The following FAM135B variants were observed in gnomAD, a reference collection of about 807,000 sequenced individuals.
FAM135B encodes the protein protein FAM135B.
A neutral mutation model predicts 127.7 loss-of-function variants in FAM135B; 43 were observed. That is an observed-to-expected ratio of 0.34 (90% confidence interval 0.26 to 0.43). FAM135B has a LOEUF of 0.43. FAM135B is among the 20% of genes least tolerant of loss of function. FAM135B has a pLI of 1.00. For missense variants in FAM135B, 1,558 were observed against 1,725.6 expected (o/e 0.90, Z 1.72); for synonymous variants, 670 against 665.1 (o/e 1.01, Z -0.11).
Position 138,141,070 on chromosome 8 carries a change from C to T in FAM135B, c.3790+128G>A, listed in dbSNP as rs573054859. 48 of 855,190 alleles carry T rather than the reference C, an allele frequency of 5.6e-5. No homozygotes were observed. The African/African-American group carries it at 7.3e-4, about 13-fold the overall frequency. The allele number at this position is 855,190 out of a possible 1,614,324, so 53.0% of individuals were successfully genotyped here. A position where few individuals can be genotyped will look rare whatever the true frequency, so the allele number is the denominator to read the frequency against. On this transcript the variant is annotated intron_variant, in intron 17 of 19. Coordinates refer to ENST00000395297, the MANE Select transcript of FAM135B (RefSeq NM_015912.4). This position sits in a 1 kb window ranked among gnomAD's most constrained non-coding sequence, Gnocchi z 4.7. Reference sequence around the variant, plus strand: ...CCACACCTCTAAGGCCAGGACTCCTCCCTCCATGCCATGCTTGGAAAAGAC... The same window carrying T: ...CCACACCTCTAAGGCCAGGACTCCTTCCTCCATGCCATGCTTGGAAAAGAC...
At chr8:138,366,896 C>T (rs986826954) in intron 2 of FAM135B, among the ~76,000 whole-genome samples, 3 of 152,092 alleles carry the variant, frequency 2.0e-5, no homozygotes, top group Non-Finnish European at 4.4e-5. Context: ...GACTGAACAA[C>T]AGGAGATTTT....
chr8:138,494,303 A>G (rs1815304820), intron 1 of FAM135B, among the ~76,000 whole-genome samples: 1 of 152,198 alleles, frequency 6.6e-6, no homozygotes, highest in South Asian at 2.1e-4. Context: ...CACTCATTCA[A>G]CAACCATTCA....
At chr8:138,406,389 A>C (rs1182491057) in intron 1 of FAM135B, among the ~76,000 whole-genome samples, 2 of 151,990 alleles carry the variant, frequency 1.3e-5, no homozygotes, top group Admixed American at 6.6e-5. Flanking sequence ...AAAAGAGGGA[A>C]TCCTCCCTAA....
chr8:138,282,535 C>A (rs1414000346), intron 3 of FAM135B, among the ~76,000 whole-genome samples: 1 of 152,118 alleles, frequency 6.6e-6, no homozygotes, highest in African/African-American at 2.4e-5. Context: ...TAACAGACAC[C>A]TCGCCAAGAA....
At chr8:138,153,710 G>A (rs9771768) in intron 12 of FAM135B, among the ~76,000 whole-genome samples, 81,570 of 152,040 alleles carry the variant, frequency 0.54, 22,479 homozygotes, top group East Asian at 0.77. Flanking sequence ...GTCTGAGATC[G>A]AACTGCAAGG....
In FAM135B at chr8:138,442,237, C is replaced by CATATATATATATAT. The variant is rs759993575; in HGVS notation, c.-20+54420_-20+54433dup. Among the ~76,000 whole-genome samples the CATATATATATATAT allele has an allele frequency of 1.8e-3, 93 of 51,884 alleles. 5 individuals carry two copies. Among genetic ancestry groups the CATATATATATATAT allele is most frequent in the East Asian group, 4.8e-3 (2 of 414 alleles). 34.0% of individuals were successfully genotyped at this position (51,884 alleles called of 152,430 possible). On this transcript the variant is annotated intron_variant, in intron 1 of 19. Transcript: ENST00000395297. ...AATTTAACGTGAAGAATATGGACAC[C>CATATATATATATAT]ATATATATATATATATATATATATA...
At chr8:138,452,661 G>A (rs1056202905) in intron 1 of FAM135B, among the ~76,000 whole-genome samples, 1 of 151,176 alleles carries the variant, frequency 6.6e-6, no homozygotes, top group Non-Finnish European at 1.5e-5. Flanking sequence ...CACAGTTTTT[G>A]TGGACACGGG....
intron 2 of FAM135B, among the ~76,000 whole-genome samples, chr8:138,336,289 A>T (rs1374727082): frequency 6.6e-6 from 1 of 152,212 alleles, no homozygotes; most frequent in Non-Finnish European, 1.5e-5. Context: ...AGACATAAAA[A>T]GCCCTTCAAA....
chr8:138,195,580 A>G (rs1486078023), intron 8 of FAM135B, among the ~76,000 whole-genome samples: 1 of 152,118 alleles, frequency 6.6e-6, no homozygotes, highest in Non-Finnish European at 1.5e-5. Flanking sequence ...CCAAATTCAT[A>G]CAGCACTTTG....
Position 138,152,219 on chromosome 8 carries a change from A to G in FAM135B, c.2256T>C (p.Ser752=), listed in dbSNP as rs2130761132. Residue 752 remains serine, a synonymous_variant, in exon 13 of 20, where the codon TCT becomes TCC. Coordinates refer to ENST00000395297, the MANE Select transcript of FAM135B (RefSeq NM_015912.4). ...GIQASLTSIS[S]LPFEEDEREV... Reference sequence around the variant, plus strand: ...CCCGCTCATCCTCCTCAAAAGGTAAAGAGCTAATGGAGGTGAGAGAAGCCT... The same window carrying G: ...CCCGCTCATCCTCCTCAAAAGGTAAGGAGCTAATGGAGGTGAGAGAAGCCT... 1 of 1,614,154 alleles carries G rather than the reference A, an allele frequency of 6.2e-7. No homozygotes were observed. Among genetic ancestry groups the G allele is most frequent in the Non-Finnish European group, 8.5e-7 (1 of 1,180,046 alleles).
intron 15 of FAM135B, 38 bp downstream of exon 15, chr8:138,145,921 C>A (rs777057458): frequency 1.8e-6 from 2 of 1,097,032 alleles, no homozygotes; most frequent in African/African-American, 3.1e-5. Flanking sequence ...AAGCATGCAT[C>A]CAGGGTTCTT....
intron 7 of FAM135B, among the ~76,000 whole-genome samples, chr8:138,217,206 T>C (rs991492170): frequency 6.6e-6 from 1 of 152,182 alleles, no homozygotes; most frequent in African/African-American, 2.4e-5. Flanking sequence ...TCTATATTTA[T>C]GTAAATAGTA....
Position 138,274,620 on chromosome 8 carries a change from C to T in FAM135B, c.158-8778G>A, listed in dbSNP as rs183746879. 2.6e-3 allele frequency among the ~76,000 whole-genome samples: 399 copies of T among 152,214 alleles called. 1 individual carries two copies. Among genetic ancestry groups the T allele is most frequent in the African/African-American group, 8.7e-3 (362 of 41,528 alleles). ...TTCCTCTTCCTAATAAGCCTGGGAG[C>T]GCTATGGGAGACTGGAGTCTATTTC... On this transcript the variant is annotated intron_variant, in intron 3 of 19. Coordinates refer to ENST00000395297, the MANE Select transcript of FAM135B (RefSeq NM_015912.4).
chr8:138,236,380 G>A (rs1221545032), intron 7 of FAM135B, among the ~76,000 whole-genome samples: 1 of 148,128 alleles, frequency 6.8e-6, no homozygotes, highest in African/African-American at 2.5e-5. Context: ...TGAATAAATG[G>A]ATAAAGAACA....
At chr8:138,233,673 A>G (rs1373805612) in intron 7 of FAM135B, among the ~76,000 whole-genome samples, 2 of 152,216 alleles carry the variant, frequency 1.3e-5, no homozygotes, top group Non-Finnish European at 2.9e-5. Context: ...GCAGGACTAC[A>G]CAAAACTAAA....
intron 3 of FAM135B, among the ~76,000 whole-genome samples, chr8:138,307,658 C>T (rs1190969646): frequency 6.6e-6 from 1 of 150,444 alleles, no homozygotes; most frequent in Admixed American, 6.7e-5. Context: ...AAGCACTATG[C>T]TAGGGGCTTT....
chr8:138,339,514 A>T lies in FAM135B; in HGVS notation c.77+28393T>A, dbSNP rs187911535. 5.3e-5 allele frequency among the ~76,000 whole-genome samples: 8 copies of T among 152,168 alleles called. No homozygotes were observed. In the East Asian group the frequency reaches 1.4e-3, roughly 26 times the overall value. On this transcript the variant is annotated intron_variant, in intron 2 of 19. Transcript: ENST00000395297. Reference sequence around the variant, plus strand: ...GGATGTATTAGAGTCAGGAAAAGTGACACCTGCCATTTCTACCATGCTTTC... The same window carrying T: ...GGATGTATTAGAGTCAGGAAAAGTGTCACCTGCCATTTCTACCATGCTTTC...
At chr8:138,263,534 G>A (rs1822697810) in intron 4 of FAM135B, among the ~76,000 whole-genome samples, 1 of 152,200 alleles carries the variant, frequency 6.6e-6, no homozygotes, top group African/African-American at 2.4e-5. Flanking sequence ...GCTAATAGGA[G>A]TTTCATTTGT....
At chr8:138,302,272 T>C (rs1031558788) in intron 3 of FAM135B, among the ~76,000 whole-genome samples, 2 of 152,106 alleles carry the variant, frequency 1.3e-5, no homozygotes, top group African/African-American at 2.4e-5. Flanking sequence ...AGTGGTACTC[T>C]AGAGACAGAG....
Sources: allele counts gnomAD v4.1 joint callset (sites outside exome capture counted in the v4.1 genomes callset), GRCh38; gene constraint gnomAD v4.1.1; non-coding constraint Gnocchi (gnomAD v3.1); transcripts MANE v1.5; gene names NCBI Gene and HGNC (gene_info 2026-07-23, HGNC 2026-07-21).